The following PHOSPHO1 variants were observed in gnomAD, a reference collection of about 807,000 sequenced individuals.
PHOSPHO1 encodes phosphoethanolamine/phosphocholine phosphatase.
Under a neutral mutation model 17.7 loss-of-function variants are expected in PHOSPHO1, and 6 were observed. That is an observed-to-expected ratio of 0.34 (90% CI 0.19 to 0.67). The LOEUF is 0.67. Ranked by LOEUF, PHOSPHO1 falls within the 30% of genes least tolerant of loss-of-function variation. PHOSPHO1 has a pLI of 0.69. For missense variants in PHOSPHO1, 330 were observed against 392.1 expected, an observed-to-expected ratio of 0.84 and a Z score of 1.34; for synonymous variants, 159 against 174.6, an observed-to-expected ratio of 0.91 and a Z score of 0.71.
chr17:49,224,945 C>G lies in PHOSPHO1; in HGVS notation c.105G>C (p.Glu35Asp). 1 of 1,586,762 alleles carries G rather than the reference C, an allele frequency of 6.3e-7. No individual in the cohort carries two copies. Among genetic ancestry groups the G allele is most frequent in the East Asian group, 2.3e-5 (1 of 43,708 alleles). Reference protein sequence around the residue: ...PRFLLTFDFDETIVDENSDDS... With the variant: ...PRFLLTFDFDDTIVDENSDDS... Reference sequence around the variant, plus strand: ...CGTCGCTGTTTTCGTCCACGATAGTCTCGTCGAAGTCGAAGGTCAGGAGGA... The same window carrying G: ...CGTCGCTGTTTTCGTCCACGATAGTGTCGTCGAAGTCGAAGGTCAGGAGGA... The change falls in exon 3 of 3, where the codon GAG becomes GAC. Residue 35 changes from glutamate (E) to aspartate (D), a missense_variant. Glu to Asp is a conservative substitution (Grantham distance 45). Transcript: ENST00000310544.
chr17:49,225,843 G>A, intron 2 of PHOSPHO1: 1 of 1,198,566 alleles, frequency 8.3e-7, no homozygotes, highest in Non-Finnish European at 1.1e-6. Context: ...GAGTGGGAGG[G>A]GCCAGGTAGT....
chr17:49,228,283 TCCTTCCTTCCTTCCTCCTTC>T (rs1420819130), intron 1 of PHOSPHO1, among the ~76,000 whole-genome samples: 2 of 74,826 alleles, frequency 2.7e-5, no homozygotes, highest in East Asian at 3.8e-4. Flanking sequence ...CTTCCTTCCT[TCCTTCCTTCCTTCCTCCTTC>T]CTTCCTTCCT....
Position 49,224,385 on chromosome 17 carries a change from G to C in PHOSPHO1, c.665C>G (p.Pro222Arg), listed in dbSNP as rs1268636869. The change falls in exon 3 of 3, where the codon CCG (proline) becomes CGG (arginine). Residue 222 changes from proline to arginine, a missense_variant. Coordinates refer to ENST00000310544, the MANE Select transcript of PHOSPHO1 (RefSeq NM_178500.4). ...GLLAGGDVAF[P>R]RRGYPMHRLI... is the part of the protein sequence containing the mutation. Reference sequence around the variant, plus strand: ...GCGGTGCATGGGGTAGCCGCGGCGCGGGAAGGCCACGTCGCCGCCCGCCAG... The same window carrying C: ...GCGGTGCATGGGGTAGCCGCGGCGCCGGAAGGCCACGTCGCCGCCCGCCAG... 9.7e-6 allele frequency: 15 copies of C among 1,550,818 alleles called. No homozygotes were observed. Among genetic ancestry groups the C allele is most frequent in the Non-Finnish European group, 1.3e-5 (15 of 1,151,162 alleles).
In PHOSPHO1 at chr17:49,224,601, G is replaced by T; in HGVS notation, c.449C>A (p.Ser150Ter). Residue 150 changes from serine (S) to a stop codon, truncating the protein, a stop_gained, in exon 3 of 3, where the codon TCG becomes TAG. Coordinates refer to ENST00000310544, the MANE Select transcript of PHOSPHO1 (RefSeq NM_178500.4). LOFTEE classifies it high-confidence loss of function. ...CAGCAGTCCCCGCGCATCCGGCCCC[G>T]ACGGGTTGCTGAGGATGCGGCGGAA... ...SLFRRILSNP[S>*]GPDARGLLAL... 1 of 1,572,416 alleles carries T rather than the reference G, an allele frequency of 6.4e-7. No homozygotes were observed.
At chr17:49,227,688 C>T (rs1360782771) in intron 1 of PHOSPHO1, among the ~76,000 whole-genome samples, 1 of 152,278 alleles carries the variant, frequency 6.6e-6, no homozygotes, top group Admixed American at 6.5e-5. Context: ...GAGAAGCAAT[C>T]GCCCCAGGAC....
chr17:49,228,106 G>C (rs2043373813), intron 1 of PHOSPHO1, among the ~76,000 whole-genome samples: 1 of 152,138 alleles, frequency 6.6e-6, no homozygotes, highest in Admixed American at 6.5e-5. Context: ...CACTCCCCTT[G>C]TAAAAGCAAA....
rs1340436753 is a variant in PHOSPHO1, at chr17:49,224,964, A to G, written c.86T>C (p.Leu29Pro). Reference sequence around the variant, plus strand: ...GATAGTCTCGTCGAAGTCGAAGGTCAGGAGGAAGCGCGGCGCGCCCTGCGC... The same window carrying G: ...GATAGTCTCGTCGAAGTCGAAGGTCGGGAGGAAGCGCGGCGCGCCCTGCGC... ...MAAQGAPRFL[L>P]TFDFDETIVD... Residue 29 changes from leucine to proline, a missense_variant, in exon 3 of 3, where the codon CTG becomes CCG. Leu to Pro is a moderately conservative substitution (Grantham distance 98). Coordinates refer to ENST00000310544, the MANE Select transcript of PHOSPHO1 (RefSeq NM_178500.4). 6 of 1,569,854 alleles carry G rather than the reference A, an allele frequency of 3.8e-6. No homozygotes were observed. In the South Asian group the frequency reaches 6.9e-5, roughly 18 times the overall value.
At position 49,224,951 on chromosome 17, in the gene PHOSPHO1, G is replaced by T; in HGVS notation, c.99C>A (p.Phe33Leu). The T allele has an allele frequency of 6.3e-7, 1 of 1,581,926 alleles. No individual in the cohort carries two copies. Residue 33 changes from phenylalanine (F) to leucine (L), a missense_variant, in exon 3 of 3, where the codon TTC becomes TTA. Physicochemically the swap from Phe to Leu is conservative, Grantham distance 22. Transcript: ENST00000310544. ...GAPRFLLTFD[F>L]DETIVDENSD... ...TGTTTTCGTCCACGATAGTCTCGTCGAAGTCGAAGGTCAGGAGGAAGCGCG... is the reference window on the plus strand; with the variant it reads ...TGTTTTCGTCCACGATAGTCTCGTCTAAGTCGAAGGTCAGGAGGAAGCGCG...
Position 49,224,103 on chromosome 17 carries a change from C to T in PHOSPHO1, c.*143G>A. ...ACGGCTCTGAGCCCCCTTCCCCAAG[C>T]CCCCAAATACGAGATTCCAGAAATT... On this transcript the variant is annotated 3_prime_UTR_variant, in exon 3 of 3. Coordinates refer to ENST00000310544, the MANE Select transcript of PHOSPHO1 (RefSeq NM_178500.4). The T allele has an allele frequency of 2.4e-6, 3 of 1,267,982 alleles. No homozygotes were observed. The South Asian group carries it at 4.8e-5, about 20-fold the overall frequency. The allele number at this position is 1,267,982 out of a possible 1,614,324, so 78.5% of individuals were successfully genotyped here.
intron 2 of PHOSPHO1, 188 bp from the exon 3 acceptor site, chr17:49,225,192 C>T (rs1374617374): frequency 1.4e-6 from 2 of 1,428,426 alleles, no homozygotes; most frequent in South Asian, 1.5e-5. Flanking sequence ...ACCTCTATCC[C>T]CAGCCTTCCC....
Position 49,226,696 on chromosome 17 carries a change from G to A in PHOSPHO1, c.-5C>T, listed in dbSNP as rs199501222. The A allele has an allele frequency of 8.2e-4, 1,331 of 1,614,138 alleles. 2 individuals carry two copies. Among genetic ancestry groups the A allele is most frequent in the Middle Eastern group, 3.0e-3 (18 of 6,062 alleles). ...AACTGGAAAACAGCCACTCATTGTC[G>A]GTGCATTACCGTGAGCACCACCTGT... On this transcript the variant is annotated 5_prime_UTR_variant, in exon 2 of 3. It introduces an in-frame stop codon into an upstream open reading frame of the 5' UTR. Coordinates refer to ENST00000310544, the MANE Select transcript of PHOSPHO1 (RefSeq NM_178500.4).
At position 49,224,498 on chromosome 17, in the gene PHOSPHO1, G is replaced by A. The variant is rs1199286186; in HGVS notation, c.552C>T (p.Tyr184=). The A allele has an allele frequency of 1.9e-6, 3 of 1,574,200 alleles. No homozygotes were observed. Among genetic ancestry groups the A allele is most frequent in the Admixed American group, 3.6e-5 (2 of 54,848 alleles). ...CGCCGTCGTGGGCCCGCTCGCGCAGGTAGTCGCTGAGCACCTTGTGCTTGC... is the reference window on the plus strand; with the variant it reads ...CGCCGTCGTGGGCCCGCTCGCGCAGATAGTCGCTGAGCACCTTGTGCTTGC... ...NMCKHKVLSD[Y]LRERAHDGVH... The change falls in exon 3 of 3, where the codon TAC becomes TAT. Residue 184 remains tyrosine (Y), a synonymous_variant. Transcript: ENST00000310544.
chr17:49,228,379 C>T (rs965802846), intron 1 of PHOSPHO1, among the ~76,000 whole-genome samples: 1 of 151,800 alleles, frequency 6.6e-6, no homozygotes, highest in Admixed American at 6.6e-5. Flanking sequence ...TTTTTTCAGC[C>T]AGGCAGGGTG....
chr17:49,225,581 G>T (rs905056824), intron 2 of PHOSPHO1: 1 of 1,284,072 alleles, frequency 7.8e-7, no homozygotes, highest in African/African-American at 1.5e-5. Context: ...CACTGAACAG[G>T]GGTCTAGGGA....
Position 49,226,648 on chromosome 17 carries a change from C to T in PHOSPHO1, c.44G>A (p.Arg15Lys), listed in dbSNP as rs973716037. ...FPVSGLRCLS[R>K]DGRMAAQGAP... ...AGACCCCTGGAGGGACCCACTTACC[C>T]TAGATAGGCAGCGGAGGCCAGAAAC... Residue 15 changes from arginine (R) to lysine (K), a missense_variant and splice_region_variant, in exon 2 of 3, where the codon AGG (arginine) becomes AAG (lysine). Physicochemically the swap from Arg to Lys is conservative, Grantham distance 26. Coordinates refer to ENST00000310544, the MANE Select transcript of PHOSPHO1 (RefSeq NM_178500.4). 4 of 1,614,184 alleles carry T rather than the reference C, an allele frequency of 2.5e-6. No homozygotes were observed. The highest frequency in any genetic ancestry group is 3.3e-5 in the Admixed American group (2 of 60,024).
At chr17:49,226,554 TG>T (rs932986748) in intron 2 of PHOSPHO1, 92 bp downstream of exon 2, 121 of 1,362,328 alleles carry the variant, frequency 8.9e-5, no homozygotes, top group Non-Finnish European at 1.2e-4. Flanking sequence ...TAAAACGGGC[TG>T]GATAGGGCCT....
intron 1 of PHOSPHO1, among the ~76,000 whole-genome samples, chr17:49,229,967 T>G (rs2043397007): frequency 6.6e-6 from 1 of 151,994 alleles, no homozygotes; most frequent in African/African-American, 2.4e-5. Context: ...GCAGGGAGCT[T>G]GCGGTCCTGA....
At chr17:49,227,374 T>C (rs576938548) in intron 1 of PHOSPHO1, among the ~76,000 whole-genome samples, 9 of 152,186 alleles carry the variant, frequency 5.9e-5, no homozygotes, top group African/African-American at 2.2e-4. Context: ...AAGAGTCAGG[T>C]TGAAATCTTG....
chr17:49,225,257 G>A, intron 2 of PHOSPHO1: 1 of 1,404,802 alleles, frequency 7.1e-7, no homozygotes, highest in East Asian at 2.6e-5. Context: ...TGCCCAGAGG[G>A]CTTCTCGGCA....
Sources: gnomAD v4.1 joint callset for allele counts (sites outside exome capture counted in the v4.1 genomes callset) on GRCh38, gnomAD v4.1.1 for gene constraint, MANE v1.5 for transcripts, NCBI Gene and HGNC (gene_info 2026-07-23, HGNC 2026-07-21) for gene names.